The following ITIH2 variants were observed in gnomAD, a reference collection of about 807,000 sequenced individuals.
The protein encoded by ITIH2 is inter-alpha-trypsin inhibitor heavy chain H2.
ITIH2 carries 103 observed loss-of-function variants against 104.4 expected under a neutral mutation model. That is an observed-to-expected ratio of 0.99 (90% CI 0.84 to 1.16). ITIH2 has a LOEUF of 1.16. Among genes scored for constraint, ITIH2 ranks in the 50% most tolerant of loss-of-function variants. ITIH2 has a pLI of 0.00. For synonymous variants in ITIH2, 436 were observed against 435.4 expected (o/e 1.00, Z -0.02); for missense variants, 1,108 against 1,162.4 (o/e 0.95, Z 0.68).
In ITIH2 at chr10:7,744,856, C is replaced by G. The variant is rs1835160820; in HGVS notation, c.2474C>G (p.Ser825Cys). 1 of 1,613,962 alleles carries G rather than the reference C, an allele frequency of 6.2e-7. No homozygotes were observed. Among genetic ancestry groups the G allele is most frequent in the Non-Finnish European group, 8.5e-7 (1 of 1,179,948 alleles). ...ACCCTGGATAAAGAGATGTCCTTTTCTGTTTTACTTCATCGTGTTTGGAAG... is the reference window on the plus strand; with the variant it reads ...ACCCTGGATAAAGAGATGTCCTTTTGTGTTTTACTTCATCGTGTTTGGAAG... ...TITLDKEMSF[S>C]VLLHRVWKKH... Residue 825 changes from serine (S) to cysteine (C), a missense_variant, in exon 19 of 21, where the codon TCT becomes TGT. Ser to Cys is a moderately radical substitution (Grantham distance 112, BLOSUM62 -1). Coordinates refer to ENST00000358415, the MANE Select transcript of ITIH2 (RefSeq NM_002216.3).
chr10:7,744,995 G>A, intron 19 of ITIH2, 32 bp downstream of exon 19: 1 of 1,590,098 alleles, frequency 6.3e-7, no homozygotes, highest in Non-Finnish European at 8.6e-7. Context: ...TGACAAGGGT[G>A]GGGCCGCTCT....
intron 11 of ITIH2, among the ~76,000 whole-genome samples, chr10:7,728,459 G>A (rs1834971308): frequency 6.6e-6 from 1 of 152,164 alleles, no homozygotes; most frequent in Non-Finnish European, 1.5e-5. Context: ...ACAGCTCACT[G>A]CAGCCTCAAC....
chr10:7,732,296 T>A, intron 13 of ITIH2, 42 bp from the exon 14 acceptor site: 1 of 1,588,198 alleles, frequency 6.3e-7, no homozygotes, highest in Non-Finnish European at 8.6e-7. Context: ...GAACTATAAT[T>A]CTGTTACCCA....
intron 5 of ITIH2, among the ~76,000 whole-genome samples, chr10:7,716,553 T>C (rs577553261): frequency 4.8e-4 from 73 of 151,930 alleles, no homozygotes; most frequent in African/African-American, 1.7e-3. Flanking sequence ...CTGGTCAACA[T>C]GGCGAAACCC....
chr10:7,726,969 C>T lies in ITIH2; in HGVS notation c.1004C>T (p.Thr335Ile), dbSNP rs759574095. 1 of 1,611,988 alleles carries T rather than the reference C, an allele frequency of 6.2e-7. No individual in the cohort carries two copies. The highest frequency in any genetic ancestry group is 1.3e-5 in the African/African-American group (1 of 74,866). The change falls in exon 10 of 21, where the codon ACC (threonine) becomes ATC (isoleucine). Residue 335 changes from threonine to isoleucine, a missense_variant. Physicochemically the swap from Thr to Ile is moderately conservative, Grantham distance 89 (BLOSUM62 -1). Transcript: ENST00000358415. ...AAATAGACTGTGGAAGCAATGAAGA[C>T]CATATTGGATGACCTCAGAGCAGAA... ...KMKQTVEAMK[T>I]ILDDLRAEDH...
intron 5 of ITIH2, among the ~76,000 whole-genome samples, chr10:7,715,499 A>G (rs755901409): frequency 3.3e-5 from 5 of 152,054 alleles, no homozygotes; most frequent in Non-Finnish European, 7.4e-5. Flanking sequence ...TATCCATCAC[A>G]CAAATACTTA....
At chr10:7,718,662 G>A (rs987387750) in intron 6 of ITIH2, among the ~76,000 whole-genome samples, 3 of 152,066 alleles carry the variant, frequency 2.0e-5, no homozygotes, top group African/African-American at 7.2e-5. Context: ...GTAGTTTTCC[G>A]ATCCTTTCTC....
intron 15 of ITIH2, among the ~76,000 whole-genome samples, chr10:7,738,291 T>C (rs184195497): frequency 1.5e-4 from 19 of 130,006 alleles, no homozygotes; most frequent in African/African-American, 5.6e-4. Context: ...TATTATATTC[T>C]ATATAATATT....
chr10:7,727,987 AC>A (rs1372993600), intron 11 of ITIH2, among the ~76,000 whole-genome samples, 159 bp downstream of exon 11: 1 of 152,088 alleles, frequency 6.6e-6, no homozygotes, highest in African/African-American at 2.4e-5. Context: ...TGCAGCCCTC[AC>A]CCCTTAAGCT....
intron 4 of ITIH2, among the ~76,000 whole-genome samples, chr10:7,710,395 T>C (rs1834786223): frequency 6.6e-6 from 1 of 152,264 alleles, no homozygotes; most frequent in Non-Finnish European, 1.5e-5. Flanking sequence ...AAATATTCTC[T>C]GTTCCTCTAA....
chr10:7,732,266 T>A, intron 13 of ITIH2, 72 bp from the exon 14 acceptor site: 1 of 1,478,350 alleles, frequency 6.8e-7, no homozygotes, highest in East Asian at 2.3e-5. Context: ...TCGCAGCAGG[T>A]ACTAAAAATG....
intron 12 of ITIH2, among the ~76,000 whole-genome samples, chr10:7,730,686 T>C (rs754461965): frequency 2.6e-5 from 4 of 152,108 alleles, no homozygotes; most frequent in Non-Finnish European, 5.9e-5. Context: ...AAAATACATA[T>C]ATTGAAAAGA....
rs1403871288 is a variant in ITIH2 at position 7,723,537 on chromosome 10, T to C, written c.954T>C (p.Ser318=). Residue 318 remains serine (S), a synonymous_variant, in exon 9 of 21, where the codon AGT becomes AGC. Coordinates refer to ENST00000358415, the MANE Select transcript of ITIH2 (RefSeq NM_002216.3). ...PKNILFVIDV[S]GSMWGVKMKQ... ...ACATCCTCTTTGTCATCGATGTGAGTGGCTCCATGTGGGGAGTTAAAATGA... is the reference window on the plus strand; with the variant it reads ...ACATCCTCTTTGTCATCGATGTGAGCGGCTCCATGTGGGGAGTTAAAATGA... The C allele has an allele frequency of 6.2e-7, 1 of 1,613,252 alleles. No individual in the cohort carries two copies. Among genetic ancestry groups the C allele is most frequent in the Non-Finnish European group, 8.5e-7 (1 of 1,179,210 alleles).
chr10:7,741,138 G>A (rs988275192), intron 16 of ITIH2, among the ~76,000 whole-genome samples: 2 of 148,918 alleles, frequency 1.3e-5, no homozygotes, highest in Non-Finnish European at 3.0e-5. Context: ...TATTTGTGTA[G>A]AGGAAGAAAG....
Position 7,737,746 on chromosome 10 carries a change from T to G in ITIH2, c.1958-875T>G, listed in dbSNP as rs1417044822. ...ATAATATTCTATATTATATTCTATATAATATTCTATATTATATTCTATATA... is the reference window on the plus strand; with the variant it reads ...ATAATATTCTATATTATATTCTATAGAATATTCTATATTATATTCTATATA... On this transcript the variant is annotated intron_variant, in intron 15 of 20. Transcript: ENST00000358415. Among the ~76,000 whole-genome samples, 7 of 23,464 alleles carry G rather than the reference T, an allele frequency of 3.0e-4. 2 individuals carry two copies. The highest frequency in any genetic ancestry group is 1.4e-3 in the African/African-American group (7 of 4,920). The allele number at this position is 23,464 out of a possible 152,430, so 15.4% of individuals were successfully genotyped here.
In ITIH2 at chr10:7,735,810, T is replaced by C. The variant is rs184029811; in HGVS notation, c.1957+719T>C. Among the ~76,000 whole-genome samples, 556 of 151,938 alleles carry C rather than the reference T, an allele frequency of 3.7e-3. 1 individual carries two copies. The highest frequency in any genetic ancestry group is 0.01 in the Middle Eastern group (3 of 294). ...GCTTCAGCCTCCCAAGTAGCTGGGA[T>C]TACAGGCATGTGCCACCACGCCCAG... On this transcript the variant is annotated intron_variant, in intron 15 of 20. Transcript: ENST00000358415.
At chr10:7,730,205 T>C in intron 12 of ITIH2, 72 bp downstream of exon 12, 2 of 1,163,714 alleles carry the variant, frequency 1.7e-6, no homozygotes, top group South Asian at 1.5e-5. Flanking sequence ...GATGCAGGTA[T>C]GATGCATAAC....
chr10:7,735,430 T>C (rs1159741580), intron 15 of ITIH2, among the ~76,000 whole-genome samples: 4 of 152,118 alleles, frequency 2.6e-5, no homozygotes, highest in Non-Finnish European at 2.9e-5. Context: ...CTGGGTGTGA[T>C]GGTGGGCACC....
At position 7,720,844 on chromosome 10, in the gene ITIH2, T is replaced by C; in HGVS notation, c.631-12T>C. ...TTTTAATGCTTTGGGTAATTTTCTC[T>C]TGCATCTCTAGGTAGATGTGTGGGT... On this transcript the variant is annotated splice_polypyrimidine_tract_variant and intron_variant, in intron 6 of 20. Transcript: ENST00000358415. The C allele has an allele frequency of 6.5e-7, 1 of 1,528,396 alleles. No homozygotes were observed. The highest frequency in any genetic ancestry group is 1.4e-5 in the African/African-American group (1 of 73,074). 94.7% of individuals were successfully genotyped at this position (1,528,396 alleles called of 1,614,324 possible).
Sources: allele counts gnomAD v4.1 joint callset (sites outside exome capture counted in the v4.1 genomes callset), GRCh38; gene constraint gnomAD v4.1.1; transcripts MANE v1.5; gene names NCBI Gene and HGNC (gene_info 2026-07-23, HGNC 2026-07-21).